The following YPEL2 variants were observed in gnomAD, a reference collection of about 807,000 sequenced individuals.
YPEL2 encodes the protein protein yippee-like 2.
Under a neutral mutation model 19.1 loss-of-function variants are expected in YPEL2, and 2 were observed. The observed-to-expected ratio is 0.10, with a 90% CI of 0.04 to 0.33. YPEL2 has a LOEUF of 0.33. YPEL2 is among the 10% of genes least tolerant of loss of function. YPEL2 has a pLI of 1.00. For synonymous variants in YPEL2, 52 were observed against 50.0 expected (o/e 1.04, Z -0.17); for missense variants, 66 against 140.7 (o/e 0.47, Z 2.68).
chr17:59,347,551 A>G (rs12936822), intron 1 of YPEL2, among the ~76,000 whole-genome samples: 12,751 of 152,216 alleles, frequency 0.084, 686 homozygotes, highest in South Asian at 0.16. Context: ...TTTGAGGGGG[A>G]AAGAGGCCCA....
intron 2 of YPEL2, among the ~76,000 whole-genome samples, chr17:59,381,094 A>C (rs2047946778): frequency 6.6e-6 from 1 of 152,198 alleles, no homozygotes; most frequent in African/African-American, 2.4e-5. Flanking sequence ...AACCCTAGGA[A>C]ATGGACATGG....
intron 2 of YPEL2, among the ~76,000 whole-genome samples, chr17:59,366,376 G>A (rs975723133): frequency 6.6e-6 from 1 of 152,164 alleles, no homozygotes; most frequent in Non-Finnish European, 1.5e-5. Context: ...CAGCAACAAG[G>A]ATCTCCTTCC....
At chr17:59,356,929 C>T (rs1180881048) in intron 2 of YPEL2, among the ~76,000 whole-genome samples, 1 of 152,200 alleles carries the variant, frequency 6.6e-6, no homozygotes, top group Non-Finnish European at 1.5e-5. Context: ...CTCCTACTGC[C>T]ATTATCTTTG....
intron 2 of YPEL2, among the ~76,000 whole-genome samples, chr17:59,384,303 AT>A (rs1258357038): frequency 2.0e-5 from 3 of 152,180 alleles, no homozygotes; most frequent in African/African-American, 7.2e-5. Context: ...CAAGCATATC[AT>A]TTTTTAGCCA....
At chr17:59,388,183 T>C in intron 2 of YPEL2, 144 bp from the exon 3 acceptor site, 1 of 788,012 alleles carries the variant, frequency 1.3e-6, no homozygotes, top group South Asian at 1.5e-5. Context: ...CCACACCATC[T>C]GCCAGCGGGA....
intron 1 of YPEL2, among the ~76,000 whole-genome samples, chr17:59,340,704 C>T (rs1305607068): frequency 2.2e-4 from 33 of 151,662 alleles, no homozygotes; most frequent in East Asian, 9.8e-4. Context: ...CGTGAGCCAC[C>T]GCACCCAGCC....
At chr17:59,363,161 T>G (rs74985923) in intron 2 of YPEL2, 1,629 of 151,296 alleles carry the variant, frequency 0.011, 16 homozygotes, top group Admixed American at 0.025. Flanking sequence ...GATATATATA[T>G]AGAGAGAGAG....
chr17:59,340,363 C>T (rs1325273394), intron 1 of YPEL2, among the ~76,000 whole-genome samples: 1 of 152,056 alleles, frequency 6.6e-6, no homozygotes, highest in African/African-American at 2.4e-5. Flanking sequence ...CCCGCCTTGG[C>T]CTCCCAAAGT....
At chr17:59,382,541 A>G (rs527281056) in intron 2 of YPEL2, among the ~76,000 whole-genome samples, 13 of 152,326 alleles carry the variant, frequency 8.5e-5, no homozygotes, top group Admixed American at 7.8e-4. Flanking sequence ...CCTAATATAT[A>G]TGTACTTATT....
intron 1 of YPEL2, among the ~76,000 whole-genome samples, chr17:59,349,720 G>T (rs1394272214): frequency 6.6e-6 from 1 of 151,934 alleles, no homozygotes; most frequent in African/African-American, 2.4e-5. Context: ...GAGTGCAGTG[G>T]CACGATCTCG....
chr17:59,385,728 A>G (rs1410987114), intron 2 of YPEL2, among the ~76,000 whole-genome samples: 4 of 152,150 alleles, frequency 2.6e-5, no homozygotes, highest in African/African-American at 9.7e-5. Context: ...TATTGTGGTG[A>G]TGTTTTCACA....
chr17:59,371,994 C>G (rs892100689), intron 2 of YPEL2, among the ~76,000 whole-genome samples: 1 of 152,178 alleles, frequency 6.6e-6, no homozygotes, highest in Admixed American at 6.5e-5. Context: ...TATCTGAAAC[C>G]TGCTGGCTAT....
chr17:59,333,033 C>G (rs1029789472), intron 1 of YPEL2, among the ~76,000 whole-genome samples: 1 of 152,214 alleles, frequency 6.6e-6, no homozygotes, highest in Non-Finnish European at 1.5e-5. Flanking sequence ...ATTAAAGATG[C>G]AAGAAGTTCA....
At chr17:59,384,039 C>CT (rs2047968096) in intron 2 of YPEL2, among the ~76,000 whole-genome samples, 1 of 152,176 alleles carries the variant, frequency 6.6e-6, no homozygotes, top group Non-Finnish European at 1.5e-5. Flanking sequence ...AATTGCCAGA[C>CT]TCGTTTCCAA....
chr17:59,390,335 T>A (rs1469277982), intron 4 of YPEL2, among the ~76,000 whole-genome samples: 1 of 152,016 alleles, frequency 6.6e-6, no homozygotes, highest in Non-Finnish European at 1.5e-5. Context: ...AGAGACAGGG[T>A]CTCACTGTGT....
chr17:59,380,282 T>C, intron 2 of YPEL2, among the ~76,000 whole-genome samples: 1 of 147,496 alleles, frequency 6.8e-6, no homozygotes, highest in Non-Finnish European at 1.5e-5. Context: ...CTTTTTTTTT[T>C]TTTTTTTTTT....
At chr17:59,395,232 C>T (rs926487497) in intron 4 of YPEL2, among the ~76,000 whole-genome samples, 3 of 87,970 alleles carry the variant, frequency 3.4e-5, no homozygotes, top group African/African-American at 2.9e-4. Flanking sequence ...TGTGTGTGCA[C>T]AGAGACGGAA....
intron 4 of YPEL2, among the ~76,000 whole-genome samples, chr17:59,394,418 G>A (rs928809739): frequency 1.3e-5 from 2 of 151,134 alleles, no homozygotes; most frequent in Admixed American, 6.6e-5. Context: ...GACGATGGGC[G>A]GCCGGGCAGA....
Position 59,389,453 on chromosome 17 carries a change from T to C in YPEL2, c.255T>C (p.Thr85=). 18 of 1,613,672 alleles carry C rather than the reference T, an allele frequency of 1.1e-5. No homozygotes were observed. The highest frequency in any genetic ancestry group is 1.5e-5 in the Non-Finnish European group (18 of 1,179,966). The change falls in exon 4 of 5, where the codon ACT becomes ACC. Residue 85 remains threonine (T), a synonymous_variant. Coordinates refer to ENST00000312655, the MANE Select transcript of YPEL2 (RefSeq NM_001005404.4). ...ADIYCENCKT[T]LGWKYEHAFE... ...TTTACTGTGAAAACTGCAAAACCAC[T>C]CTGGGCTGGAAATACGTAAGTATAA...
Sources: gnomAD v4.1 joint callset for allele counts (sites outside exome capture counted in the v4.1 genomes callset) on GRCh38, gnomAD v4.1.1 for gene constraint, MANE v1.5 for transcripts, NCBI Gene and HGNC (gene_info 2026-07-23, HGNC 2026-07-21) for gene names.